The following SPECC1L variants were observed in gnomAD, a reference collection of about 807,000 sequenced individuals.
The protein encoded by SPECC1L is sperm antigen with calponin homology and coiled-coil domains 1 like, also known as cytospin-A.
Under a neutral mutation model 116.8 loss-of-function variants are expected in SPECC1L, and 40 were observed. The ratio of observed to expected loss-of-function variants is 0.34; its 90% CI spans 0.27 to 0.45. The LOEUF is 0.45. SPECC1L is among the 20% of genes least tolerant of loss of function. The pLI, the probability that SPECC1L is intolerant of heterozygous loss-of-function variation, is 1.00. For missense variants in SPECC1L, 1,110 were observed against 1,373.6 expected (o/e 0.81, Z 3.03); for synonymous variants, 504 against 500.6 (o/e 1.01, Z -0.09).
At chr22:24,413,854 C>G (rs963912010) in intron 16 of SPECC1L, among the ~76,000 whole-genome samples, 7 of 152,172 alleles carry the variant, frequency 4.6e-5, no homozygotes, top group Non-Finnish European at 7.3e-5. Flanking sequence ...GTGCTCGTCA[C>G]CCATGGGAAG....
At chr22:24,347,062 ATGT>A (rs1238564563) in intron 10 of SPECC1L, 21 bp from the exon 11 acceptor site, 1 of 1,574,006 alleles carries the variant, frequency 6.4e-7, no homozygotes, top group African/African-American at 1.4e-5. Context: ...TTTAACTTTG[ATGT>A]TGTTTATCTT....
rs113742184 is a variant in SPECC1L, at chr22:24,414,807, C to G, written c.*184C>G. The G allele has an allele frequency of 2.7e-3, 1,694 of 624,502 alleles. 22 individuals carry two copies. Among genetic ancestry groups the G allele is most frequent in the African/African-American group, 0.027 (1,466 of 55,304 alleles). 38.7% of individuals were successfully genotyped at this position (624,502 alleles called of 1,614,324 possible). A position where few individuals can be genotyped will look rare whatever the true frequency, so the allele number is the denominator to read the frequency against. On this transcript the variant is annotated 3_prime_UTR_variant, in exon 17 of 17. Transcript: ENST00000314328. ...TCAGCCGTGTGGCCCACAGCTCCCA[C>G]CAGGGCCCCTCCCACATGACCCGTC...
At chr22:24,364,390 C>T (rs1191374361) in intron 12 of SPECC1L, among the ~76,000 whole-genome samples, 2 of 151,626 alleles carry the variant, frequency 1.3e-5, no homozygotes, top group Non-Finnish European at 2.9e-5. Flanking sequence ...AGGCCAGTTG[C>T]GGTGGCTCAT....
intron 10 of SPECC1L, among the ~76,000 whole-genome samples, chr22:24,345,930 G>T (rs2047174674): frequency 6.6e-6 from 1 of 152,092 alleles, no homozygotes. Flanking sequence ...AAGTAGGTTG[G>T]TGGTGTTTGA....
At chr22:24,343,623 G>C in intron 10 of SPECC1L, 1 of 276,694 alleles carries the variant, frequency 3.6e-6, no homozygotes, top group Non-Finnish European at 7.3e-6. Flanking sequence ...ATGGTGCCTG[G>C]CTAATTTTTG....
intron 16 of SPECC1L, 136 bp downstream of exon 16, chr22:24,412,843 G>A (rs955003152): frequency 1.1e-6 from 1 of 885,818 alleles, no homozygotes; most frequent in African/African-American, 1.7e-5. Context: ...GGTGCTCTGG[G>A]GCCAAGGGAG....
At chr22:24,346,958 C>G in intron 10 of SPECC1L, 128 bp from the exon 11 acceptor site, 2 of 787,718 alleles carry the variant, frequency 2.5e-6, no homozygotes, top group East Asian at 2.7e-5. Context: ...AGGTGTGTTA[C>G]AACCTTACTA....
In SPECC1L at chr22:24,347,113, A is replaced by G; in HGVS notation, c.2680A>G (p.Thr894Ala). Residue 894 changes from threonine (T) to alanine (A), a missense_variant, in exon 11 of 17, where the codon ACA becomes GCA. This residue lies in a region of SPECC1L where 575 missense variants were observed against 682.4 expected (regional missense o/e 0.84). Transcript: ENST00000314328. ...QRHSISGPIS[T>A]SKPLTALSDK... is the part of the protein sequence containing the mutation. ...ACATTCCATAAGTGGACCAATCTCAACATCCAAACCCCTGACAGCCCTGTC... is the reference window on the plus strand; with the variant it reads ...ACATTCCATAAGTGGACCAATCTCAGCATCCAAACCCCTGACAGCCCTGTC... The G allele has an allele frequency of 6.2e-7, 1 of 1,614,080 alleles. No homozygotes were observed. Among genetic ancestry groups the G allele is most frequent in the Non-Finnish European group, 8.5e-7 (1 of 1,179,944 alleles).
At chr22:24,283,939 T>C (rs57636940) in intron 2 of SPECC1L, among the ~76,000 whole-genome samples, 6,742 of 152,284 alleles carry the variant, frequency 0.044, 329 homozygotes, top group South Asian at 0.14. Flanking sequence ...GAATCTGTAG[T>C]GTTGTTACCC....
intron 14 of SPECC1L, among the ~76,000 whole-genome samples, chr22:24,380,934 ACT>A (rs112965700): frequency 7.9e-5 from 12 of 152,256 alleles, no homozygotes; most frequent in African/African-American, 2.4e-4. Flanking sequence ...TATAGGGCTA[ACT>A]CTAATAATTT....
Position 24,412,478 on chromosome 22 carries a change from A to G in SPECC1L, c.3205-170A>G, listed in dbSNP as rs895531400. ...AGGGGAGGGTGGCCGGGCCTAGTGC[A>G]GGGTACTTGGTGCAGATGCAGAAGC... is the stretch of plus-strand genomic sequence containing the variant. On this transcript the variant is annotated intron_variant, in intron 15 of 16. Coordinates refer to ENST00000314328, the MANE Select transcript of SPECC1L (RefSeq NM_015330.6). 1.3e-5 allele frequency: 9 copies of G among 696,934 alleles called. No individual in the cohort carries two copies. The African/African-American group carries it at 1.6e-4, about 12-fold the overall frequency. 43.2% of individuals were successfully genotyped at this position (696,934 alleles called of 1,614,324 possible).
intron 11 of SPECC1L, among the ~76,000 whole-genome samples, chr22:24,349,258 C>G (rs1469635862): frequency 6.6e-6 from 1 of 152,162 alleles, no homozygotes; most frequent in Non-Finnish European, 1.5e-5. Flanking sequence ...CCAGGCTGGT[C>G]TCGAACTCCT....
intron 14 of SPECC1L, among the ~76,000 whole-genome samples, chr22:24,404,096 C>G (rs1371948080): frequency 6.6e-6 from 1 of 152,214 alleles, no homozygotes; most frequent in African/African-American, 2.4e-5. Flanking sequence ...GCATTGACCA[C>G]TCTGTCCTGT....
intron 2 of SPECC1L, among the ~76,000 whole-genome samples, chr22:24,278,842 G>A (rs989093592): frequency 7.9e-5 from 12 of 152,184 alleles, no homozygotes; most frequent in African/African-American, 2.9e-4. Flanking sequence ...ATCGTAAAAT[G>A]TAAAATAGGA....
At chr22:24,406,387 C>G (rs976205780) in intron 14 of SPECC1L, among the ~76,000 whole-genome samples, 2 of 152,138 alleles carry the variant, frequency 1.3e-5, no homozygotes, top group African/African-American at 4.8e-5. Context: ...AACCCTTGCC[C>G]CAGGCATCCT....
chr22:24,400,120 A>T lies in SPECC1L; in HGVS notation c.3088-11468A>T, dbSNP rs1224515018. Reference sequence around the variant, plus strand: ...AAAAATTTACCATTTGATCATTTTTAAACATACAATTCGGTAGCATTAAGT... The same window carrying T: ...AAAAATTTACCATTTGATCATTTTTTAACATACAATTCGGTAGCATTAAGT... On this transcript the variant is annotated intron_variant, in intron 14 of 16. Transcript: ENST00000314328. Among the ~76,000 whole-genome samples, 4 of 152,226 alleles carry T rather than the reference A, an allele frequency of 2.6e-5. No homozygotes were observed. In the South Asian group the frequency reaches 8.3e-4, roughly 32 times the overall value.
chr22:24,279,074 C>T (rs1356275682), intron 2 of SPECC1L, among the ~76,000 whole-genome samples: 2 of 152,160 alleles, frequency 1.3e-5, no homozygotes, highest in African/African-American at 4.8e-5. Flanking sequence ...CTTCGGGGGA[C>T]GTGGCAAAAC....
intron 9 of SPECC1L, 132 bp downstream of exon 9, chr22:24,334,705 T>C (rs1384729518): frequency 1.0e-6 from 1 of 962,838 alleles, no homozygotes; most frequent in Non-Finnish European, 1.6e-6. Flanking sequence ...ATTAATGCAC[T>C]AGACTTAACA....
chr22:24,279,081 A>G (rs2048892112), intron 2 of SPECC1L, among the ~76,000 whole-genome samples: 1 of 152,176 alleles, frequency 6.6e-6, no homozygotes, highest in South Asian at 2.1e-4. Flanking sequence ...GGACGTGGCA[A>G]AACTTCCAGG....
Sources: gnomAD v4.1 joint callset for allele counts (sites outside exome capture counted in the v4.1 genomes callset) on GRCh38, gnomAD v4.1.1 for gene constraint, gnomAD v4.1.1 regional missense constraint, MANE v1.5 for transcripts, NCBI Gene and HGNC (gene_info 2026-07-23, HGNC 2026-07-21) for gene names.